Variants in RASAL2 observed in about 807,000 individuals in gnomAD.
RASAL2 encodes the protein ras GTPase-activating protein nGAP.
In RASAL2, 58 loss-of-function variants were observed where a neutral mutation model predicts 128.9. The ratio of observed to expected loss-of-function variants is 0.45; its 90% CI spans 0.36 to 0.56. The LOEUF (loss-of-function observed/expected upper bound fraction) is 0.56. Among genes scored for constraint, RASAL2 ranks in the 20% least tolerant of loss-of-function variants. The pLI, the probability that RASAL2 is intolerant of heterozygous loss-of-function variation, is 0.00. For missense variants in RASAL2, 1,360 were observed against 1,601.6 expected, an observed-to-expected ratio of 0.85 and a Z score of 2.57; for synonymous variants, 561 against 580.8, an observed-to-expected ratio of 0.97 and a Z score of 0.49.
At chr1:178,375,921 A>G (rs1671965600) in intron 3 of RASAL2, among the ~76,000 whole-genome samples, 1 of 152,098 alleles carries the variant, frequency 6.6e-6, no homozygotes, top group Non-Finnish European at 1.5e-5. Context: ...CACAGGTGGG[A>G]GCTGTTCATC....
chr1:178,360,577 G>A (rs1671052883), intron 3 of RASAL2, among the ~76,000 whole-genome samples: 1 of 152,120 alleles, frequency 6.6e-6, no homozygotes, highest in African/African-American at 2.4e-5. Context: ...TCTTTCCTTT[G>A]CATTCTTGTT....
intron 3 of RASAL2, among the ~76,000 whole-genome samples, chr1:178,309,286 T>G (rs911292647): frequency 6.6e-6 from 1 of 152,162 alleles, no homozygotes; most frequent in Non-Finnish European, 1.5e-5. Context: ...TCCTGTAAAA[T>G]AAGATTATTT....
intron 1 of RASAL2, among the ~76,000 whole-genome samples, chr1:178,185,315 T>A (rs932270929): frequency 1.3e-5 from 2 of 151,966 alleles, no homozygotes; most frequent in Non-Finnish European, 2.9e-5. Context: ...TTTCTTCTTT[T>A]CCTAACTATT....
chr1:178,436,856 G>T (rs1349183502), intron 5 of RASAL2, among the ~76,000 whole-genome samples: 1 of 152,052 alleles, frequency 6.6e-6, no homozygotes, highest in Non-Finnish European at 1.5e-5. Flanking sequence ...GGGATTACAG[G>T]TGTGAGCCAC....
At chr1:178,330,915 G>A (rs1005921199) in intron 3 of RASAL2, among the ~76,000 whole-genome samples, 1 of 152,136 alleles carries the variant, frequency 6.6e-6, no homozygotes, top group African/African-American at 2.4e-5. Context: ...AAAATATTAT[G>A]TAGTGGTTTG....
chr1:178,370,904 TAATC>T (rs1361081309), intron 3 of RASAL2, among the ~76,000 whole-genome samples: 1 of 152,088 alleles, frequency 6.6e-6, no homozygotes, highest in Admixed American at 6.5e-5. Context: ...TAGTAACTCT[TAATC>T]AATGAGAATC....
chr1:178,154,402 G>C (rs1284079024), intron 1 of RASAL2, among the ~76,000 whole-genome samples: 1 of 152,088 alleles, frequency 6.6e-6, no homozygotes, highest in Non-Finnish European at 1.5e-5. Context: ...TCCGGCCTTG[G>C]CTTCCCAAAG....
At chr1:178,435,366 A>G (rs564137834) in intron 5 of RASAL2, among the ~76,000 whole-genome samples, 4 of 152,168 alleles carry the variant, frequency 2.6e-5, no homozygotes, top group South Asian at 4.2e-4. Flanking sequence ...TGCACTAATC[A>G]GTGTTATTTT....
At chr1:178,349,294 G>C (rs936523522) in intron 3 of RASAL2, among the ~76,000 whole-genome samples, 1 of 149,258 alleles carries the variant, frequency 6.7e-6, no homozygotes, top group African/African-American at 2.5e-5. Context: ...GCATGGTGGC[G>C]CGCGCCTGTA....
intron 3 of RASAL2, among the ~76,000 whole-genome samples, chr1:178,348,261 A>G (rs956402011): frequency 6.6e-6 from 1 of 152,152 alleles, no homozygotes; most frequent in South Asian, 2.1e-4. Context: ...TGACCTGTAC[A>G]TATGTTATTT....
intron 1 of RASAL2, among the ~76,000 whole-genome samples, chr1:178,164,159 A>G (rs2101899752): frequency 6.6e-6 from 1 of 152,130 alleles, no homozygotes; most frequent in South Asian, 2.1e-4. Flanking sequence ...TAAAAAGTTA[A>G]AAAACTGTAG....
At chr1:178,254,900 G>GA (rs1378538998) in intron 1 of RASAL2, among the ~76,000 whole-genome samples, 7 of 151,644 alleles carry the variant, frequency 4.6e-5, no homozygotes, top group African/African-American at 1.5e-4. Flanking sequence ...AGTACAAGGA[G>GA]AAAATCTTGA....
intron 4 of RASAL2, among the ~76,000 whole-genome samples, chr1:178,405,795 T>C (rs1673966421): frequency 6.6e-6 from 1 of 152,244 alleles, no homozygotes; most frequent in Non-Finnish European, 1.5e-5. Flanking sequence ...TGAAAACTAA[T>C]ACAGTGGAAA....
intron 3 of RASAL2, among the ~76,000 whole-genome samples, chr1:178,303,156 A>G (rs952962266): frequency 6.6e-6 from 1 of 152,200 alleles, no homozygotes; most frequent in African/African-American, 2.4e-5. Flanking sequence ...GAGAAAAGAC[A>G]GTCTTTTTAG....
At chr1:178,119,044 T>C (rs1323898765) in intron 1 of RASAL2, among the ~76,000 whole-genome samples, 1 of 152,072 alleles carries the variant, frequency 6.6e-6, no homozygotes, top group African/African-American at 2.4e-5. Context: ...ATTTTTGTAT[T>C]TTTAGTAGAG....
At chr1:178,279,397 G>C (rs147954916) in intron 1 of RASAL2, among the ~76,000 whole-genome samples, 1 of 152,192 alleles carries the variant, frequency 6.6e-6, no homozygotes, top group African/African-American at 2.4e-5. Context: ...TAACTGATCT[G>C]TTTCAGACCC....
At chr1:178,401,125 C>T (rs1673599002) in intron 4 of RASAL2, among the ~76,000 whole-genome samples, 2 of 152,222 alleles carry the variant, frequency 1.3e-5, no homozygotes, top group South Asian at 4.1e-4. Flanking sequence ...AACTTCAGCA[C>T]TGACCTTTTA....
At chr1:178,162,289 T>TTA (rs554582730) in intron 1 of RASAL2, among the ~76,000 whole-genome samples, 11,202 of 122,194 alleles carry the variant, frequency 0.092, 690 homozygotes, top group African/African-American at 0.18. Context: ...TAAGATTTCT[T>TTA]TATATATATA....
intron 1 of RASAL2, among the ~76,000 whole-genome samples, chr1:178,271,681 CCT>C (rs1666265160): frequency 6.6e-6 from 1 of 152,176 alleles, no homozygotes; most frequent in African/African-American, 2.4e-5. Flanking sequence ...GTAAATGAAA[CCT>C]CTGTTCACCT....
Sources: gnomAD v4.1 joint callset for allele counts (sites outside exome capture counted in the v4.1 genomes callset) on GRCh38, gnomAD v4.1.1 for gene constraint, MANE v1.5 for transcripts, NCBI Gene and HGNC (gene_info 2026-07-23, HGNC 2026-07-21) for gene names.